The following PDE6C variants were observed in gnomAD, a reference collection of about 807,000 sequenced individuals.
The protein encoded by PDE6C is phosphodiesterase 6C.
Under a neutral mutation model 113.1 loss-of-function variants are expected in PDE6C, and 75 were observed. That is an observed-to-expected ratio of 0.66 (90% CI 0.55 to 0.80). The LOEUF is 0.80. Ranked by LOEUF, PDE6C falls within the 30% of genes least tolerant of loss-of-function variation. PDE6C has a pLI of 0.00. For synonymous variants in PDE6C, 375 were observed against 363.7 expected (o/e 1.03, Z -0.35); for missense variants, 912 against 1,038.6 (o/e 0.88, Z 1.67).
chr10:93,663,253 C>T (rs961512882), intron 21 of PDE6C, 75 bp downstream of exon 21: 2 of 1,407,626 alleles, frequency 1.4e-6, no homozygotes, highest in Non-Finnish European at 2.0e-6. Context: ...GTGACAAAGC[C>T]ATAAAGAGTC....
At chr10:93,647,585 C>A (rs978855178) in intron 15 of PDE6C, among the ~76,000 whole-genome samples, 3 of 152,168 alleles carry the variant, frequency 2.0e-5, no homozygotes, top group Non-Finnish European at 1.5e-5. Context: ...AAAGCACTAA[C>A]CTCATATAAG....
Position 93,641,027 on chromosome 10 carries a change from G to A in PDE6C, c.1845G>A (p.Met615Ile). The A allele has an allele frequency of 6.4e-7, 1 of 1,558,148 alleles. No homozygotes were observed. Among genetic ancestry groups the A allele is most frequent in the Non-Finnish European group, 8.9e-7 (1 of 1,129,012 alleles). ...GAGGCACCAATAATTTGTACCAGAT[G>A]AAGTAAGTGAACACATGTCCAATGT... Reference protein sequence around the residue: ...DHRGTNNLYQMKSTSPLARLH... With the variant: ...DHRGTNNLYQIKSTSPLARLH... Residue 615 changes from methionine to isoleucine, a missense_variant and splice_region_variant, in exon 14 of 22, where the codon ATG becomes ATA. By Grantham distance (10) the Met-to-Ile change is conservative (BLOSUM62 1). Transcript: ENST00000371447.
chr10:93,644,967 A>G (rs1181999284), intron 14 of PDE6C, among the ~76,000 whole-genome samples: 1 of 142,562 alleles, frequency 7.0e-6, no homozygotes, highest in Non-Finnish European at 1.6e-5. Context: ...AAAATAATGA[A>G]ATCTTGTCAT....
chr10:93,630,476 C>T (rs2058496017), intron 8 of PDE6C, among the ~76,000 whole-genome samples: 1 of 151,968 alleles, frequency 6.6e-6, no homozygotes, highest in African/African-American at 2.4e-5. Flanking sequence ...ACCCACTCCC[C>T]ACCTGTCACC....
chr10:93,630,003 C>A (rs2058492514), intron 8 of PDE6C, among the ~76,000 whole-genome samples: 1 of 152,122 alleles, frequency 6.6e-6, no homozygotes, highest in African/African-American at 2.4e-5. Flanking sequence ...ACGTTCTCTG[C>A]ATGCATGAAT....
intron 11 of PDE6C, among the ~76,000 whole-genome samples, chr10:93,639,529 A>G (rs979139030): frequency 1.3e-5 from 2 of 152,216 alleles, no homozygotes; most frequent in East Asian, 3.8e-4. Context: ...TTCATTCAAC[A>G]GGCATTTCCT....
chr10:93,630,619 A>T (rs1286484558), intron 8 of PDE6C, among the ~76,000 whole-genome samples: 1 of 151,946 alleles, frequency 6.6e-6, no homozygotes, highest in Non-Finnish European at 1.5e-5. Context: ...CTCAGTCACA[A>T]ATAGAGACTG....
intron 11 of PDE6C, 29 bp from the exon 12 acceptor site, chr10:93,640,041 T>C: frequency 1.2e-6 from 2 of 1,613,364 alleles, no homozygotes; most frequent in East Asian, 4.5e-5. Flanking sequence ...ATGAATGTAA[T>C]CTGAAACAAC....
intron 11 of PDE6C, among the ~76,000 whole-genome samples, chr10:93,637,492 C>T (rs1261025752): frequency 6.6e-6 from 1 of 152,104 alleles, no homozygotes; most frequent in Non-Finnish European, 1.5e-5. Flanking sequence ...TCCATTCTTT[C>T]GTGTTGTTGC....
chr10:93,622,639 G>GTTTTTTTTTGTTTTTTTTTTTTTTT (rs2058452335), intron 4 of PDE6C, among the ~76,000 whole-genome samples: 1 of 113,986 alleles, frequency 8.8e-6, no homozygotes. Flanking sequence ...GTAGCCACAG[G>GTTTTTTTTTGTTTTTTTTTTTTTTT]TTTTTTTTTT....
intron 3 of PDE6C, among the ~76,000 whole-genome samples, chr10:93,621,633 G>T (rs2058446998): frequency 6.6e-6 from 1 of 152,146 alleles, no homozygotes; most frequent in Non-Finnish European, 1.5e-5. Flanking sequence ...TCCGTCCAGG[G>T]ACCATCCCTG....
chr10:93,613,311 G>T, intron 1 of PDE6C, 106 bp downstream of exon 1: 1 of 1,459,004 alleles, frequency 6.9e-7, no homozygotes. Flanking sequence ...GGCAATAACC[G>T]GGGGAATGTG....
Position 93,620,947 on chromosome 10 carries a change from C to T in PDE6C, c.690C>T (p.Ser230=). The part of the protein sequence containing the change: ...VSIILRLHHT[S]YMYNIESRRS... ...TCATCCTAAGGCTTCATCACACCAG[C>T]TACATGTACAATATTGAATCCCGAA... Residue 230 remains serine (S), a synonymous_variant, in exon 3 of 22, where the codon AGC becomes AGT. Transcript: ENST00000371447. 6.2e-7 allele frequency: 1 copy of T among 1,613,940 alleles called. No homozygotes were observed. The highest frequency in any genetic ancestry group is 8.5e-7 in the Non-Finnish European group (1 of 1,179,846).
At chr10:93,634,713 A>G in intron 8 of PDE6C, 45 bp from the exon 9 acceptor site, 1 of 1,608,632 alleles carries the variant, frequency 6.2e-7, no homozygotes, top group Non-Finnish European at 8.5e-7. Flanking sequence ...ATTATTTCAA[A>G]CTAAAAAGGC....
chr10:93,641,013 A>G lies in PDE6C; in HGVS notation c.1831A>G (p.Asn611Asp). 6.2e-7 allele frequency: 1 copy of G among 1,602,052 alleles called. No individual in the cohort carries two copies. Residue 611 changes from asparagine to aspartate, a missense_variant, in exon 14 of 22, where the codon AAT (asparagine) becomes GAT (aspartate). Coordinates refer to ENST00000371447, the MANE Select transcript of PDE6C (RefSeq NM_006204.4). ...CHDIDHRGTN[N>D]LYQMKSTSPL... ...TGATATTGACCACAGAGGCACCAAT[A>G]ATTTGTACCAGATGAAGTAAGTGAA...
chr10:93,627,291 A>T (rs1005592700), intron 7 of PDE6C, among the ~76,000 whole-genome samples: 25 of 144,708 alleles, frequency 1.7e-4, no homozygotes, highest in African/African-American at 5.5e-4. Flanking sequence ...AAGCTAGATG[A>T]TCACTTCCTT....
chr10:93,654,504 CTAAG>C (rs1357904958), intron 15 of PDE6C, among the ~76,000 whole-genome samples: 11 of 152,156 alleles, frequency 7.2e-5, no homozygotes, highest in Non-Finnish European at 1.2e-4. Flanking sequence ...GTAGTAAGAA[CTAAG>C]TAAGTGTTTA....
At chr10:93,665,101 T>C (rs986153308) in intron 21 of PDE6C, among the ~76,000 whole-genome samples, 1 of 152,148 alleles carries the variant, frequency 6.6e-6, no homozygotes, top group Non-Finnish European at 1.5e-5. Context: ...ACTCCTAATC[T>C]CAAGGGATCC....
chr10:93,662,473 A>AG, intron 19 of PDE6C, 87 bp from the exon 20 acceptor site: 1 of 535,830 alleles, frequency 1.9e-6, no homozygotes, highest in East Asian at 3.6e-5. Flanking sequence ...AAAAAAAAAA[A>AG]AAAAAAAAAA....
Sources: allele counts gnomAD v4.1 joint callset (sites outside exome capture counted in the v4.1 genomes callset), GRCh38; gene constraint gnomAD v4.1.1; transcripts MANE v1.5; gene names NCBI Gene and HGNC (gene_info 2026-07-23, HGNC 2026-07-21).